ASMT: variants seen among roughly 807,000 people sequenced by gnomAD.
The protein encoded by ASMT is acetylserotonin N-methyltransferase.
ASMT carries 53 observed loss-of-function variants against 41.3 expected under a neutral mutation model. The observed-to-expected ratio is 1.28, with a 90% CI of 1.03 to 1.61. The LOEUF (loss-of-function observed/expected upper bound fraction) is 1.61. Ranked by LOEUF, ASMT falls within the 40% of genes most tolerant of loss-of-function variation. ASMT has a pLI of 0.00. For synonymous variants in ASMT, 231 were observed against 184.8 expected (o/e 1.25, Z -2.03); for missense variants, 531 against 441.3 (o/e 1.20, Z -1.82).
intron 1 of ASMT, 143 bp from the exon 2 acceptor site, chrX:1,622,996 C>T (rs1934389764): frequency 1.7e-5 from 12 of 716,968 alleles, no homozygotes; most frequent in South Asian, 1.2e-4. Context: ...TTGACTCTGT[C>T]TCAAAAAAAA....
chrX:1,629,874 T>C lies in ASMT; in HGVS notation c.497T>C (p.Val166Ala), dbSNP rs1268657294. ...CAAGCTCTGCAGGAGGTCTGGAGCG[T>C]CAACGGGAGAAGCGTGCTGACCGCC... ...FMQALQEVWS[V>A]NGRSVLTAFD... Residue 166 changes from valine to alanine, a missense_variant, in exon 5 of 9, where the codon GTC becomes GCC. Transcript: ENST00000381241. 1.9e-6 allele frequency: 3 copies of C among 1,613,860 alleles called. No individual in the cohort carries two copies. In the African/African-American group the frequency reaches 4.0e-5, roughly 22 times the overall value.
At chrX:1,642,709 T>C in intron 8 of ASMT, 94 bp from the exon 9 acceptor site, 2 of 1,175,420 alleles carry the variant, frequency 1.7e-6, no homozygotes, top group East Asian at 4.7e-5. Flanking sequence ...CTGACTGTCC[T>C]CTGAGGTCTG....
Position 1,642,976 on chromosome X carries a change from A to G in ASMT, c.1084A>G (p.Thr362Ala), listed in dbSNP as rs1173794242. ...CTTCAGAGACTTCCAGTTTAAGAAA[A>G]CAGGAGCCATTTATGATGCCATTTT... Reference protein sequence around the residue: ...AGFRDFQFKKTGAIYDAILAR... With the variant: ...AGFRDFQFKKAGAIYDAILAR... Residue 362 changes from threonine to alanine, a missense_variant, in exon 9 of 9, where the codon ACA (threonine) becomes GCA (alanine). Thr to Ala is a moderately conservative substitution (Grantham distance 58). Coordinates refer to ENST00000381241, the MANE Select transcript of ASMT (RefSeq NM_001171038.2). The G allele has an allele frequency of 3.1e-6, 5 of 1,613,906 alleles. No individual in the cohort carries two copies. The South Asian group carries it at 4.4e-5, about 14-fold the overall frequency.
intron 1 of ASMT, among the ~76,000 whole-genome samples, chrX:1,621,979 G>A (rs193289895): frequency 0.049 from 7,468 of 151,340 alleles, 263 homozygotes; most frequent in Non-Finnish European, 0.079. Context: ...ACAGGCGTGA[G>A]CCACCGCACC....
chrX:1,636,271 T>C, intron 7 of ASMT, 167 bp from the exon 8 acceptor site: 1 of 1,045,226 alleles, frequency 9.6e-7, no homozygotes, highest in South Asian at 1.3e-5. Context: ...TATTTTCTTA[T>C]CTTTCTCCTA....
intron 1 of ASMT, among the ~76,000 whole-genome samples, chrX:1,620,830 C>T (rs1400338150): frequency 4.6e-5 from 7 of 151,638 alleles, no homozygotes; most frequent in African/African-American, 1.5e-4. Context: ...TGGAGGTTGC[C>T]GTGAGGCGTG....
Position 1,624,315 on chromosome X carries a change from C to A in ASMT, c.291C>A (p.Val97=). 1 of 1,614,016 alleles carries A rather than the reference C, an allele frequency of 6.2e-7. No individual in the cohort carries two copies. Among genetic ancestry groups the A allele is most frequent in the South Asian group, 1.1e-5 (1 of 91,080 alleles). Residue 97 remains valine, a synonymous_variant, in exon 3 of 9, where the codon GTC becomes GTA. Coordinates refer to ENST00000381241, the MANE Select transcript of ASMT (RefSeq NM_001171038.2). Reference sequence around the variant, plus strand: ...TGTCCAGCGACTACCTGACCACGGTCAGCCCGACGTCACAATGCAGCATGC... The same window carrying A: ...TGTCCAGCGACTACCTGACCACGGTAAGCCCGACGTCACAATGCAGCATGC... ...TELSSDYLTT[V]SPTSQCSMLK...
At chrX:1,636,279 C>G (rs1603461698) in intron 7 of ASMT, 159 bp from the exon 8 acceptor site, 14 of 1,098,154 alleles carry the variant, frequency 1.3e-5, no homozygotes, top group East Asian at 2.4e-5. Flanking sequence ...TATCTTTCTC[C>G]TAAGCCTTTT....
chrX:1,618,128 G>A (rs1261627233), intron 1 of ASMT, among the ~76,000 whole-genome samples: 4 of 151,932 alleles, frequency 2.6e-5, no homozygotes, highest in African/African-American at 9.7e-5. Flanking sequence ...ACAGGTGCCT[G>A]CCACCAAGCC....
At chrX:1,625,532 G>GGAAA (rs1934501046) in intron 3 of ASMT, among the ~76,000 whole-genome samples, 1 of 111,618 alleles carries the variant, frequency 9.0e-6, no homozygotes, top group Non-Finnish European at 1.8e-5. Flanking sequence ...GAGGGGAGAA[G>GGAAA]GAAGGAAGGA....
intron 3 of ASMT, among the ~76,000 whole-genome samples, chrX:1,626,147 T>C (rs73620114): frequency 0.043 from 6,562 of 151,598 alleles, 471 homozygotes; most frequent in African/African-American, 0.15. Context: ...CTCCAGAACG[T>C]AGATTTTCTC....
At chrX:1,635,074 A>T (rs1233983751) in intron 7 of ASMT, among the ~76,000 whole-genome samples, 2 of 145,392 alleles carry the variant, frequency 1.4e-5, no homozygotes, top group Non-Finnish European at 1.5e-5. Flanking sequence ...TCCCGGGTTC[A>T]CACCATTCTC....
In ASMT at chrX:1,615,112, G is replaced by C. The variant is rs1934028032; in HGVS notation, c.-88G>C. 3.4e-6 allele frequency: 4 copies of C among 1,166,854 alleles called. No individual in the cohort carries two copies. In the Admixed American group the frequency reaches 5.9e-5, roughly 17 times the overall value. 72.3% of individuals were successfully genotyped at this position (1,166,854 alleles called of 1,614,324 possible). ...AGTCAGGCAGCAGCTGTGAGCGGGT[G>C]GCTCTTCCCCACCTTGCCAGCAGGC... On this transcript the variant is annotated 5_prime_UTR_variant, in exon 1 of 9. Coordinates refer to ENST00000381241, the MANE Select transcript of ASMT (RefSeq NM_001171038.2).
At chrX:1,616,993 C>A (rs1263745114) in intron 1 of ASMT, among the ~76,000 whole-genome samples, 2 of 152,048 alleles carry the variant, frequency 1.3e-5, no homozygotes, top group Admixed American at 1.3e-4. Context: ...CAGGCGTGAG[C>A]CACTGTGCCT....
At chrX:1,624,130 C>T in intron 2 of ASMT, 139 bp from the exon 3 acceptor site, 1 of 1,217,964 alleles carries the variant, frequency 8.2e-7, no homozygotes, top group Admixed American at 1.7e-5. Flanking sequence ...CTGTACAAGG[C>T]AAGAGGAAGA....
intron 1 of ASMT, among the ~76,000 whole-genome samples, chrX:1,615,693 T>C (rs1934062869): frequency 6.6e-6 from 1 of 151,612 alleles, no homozygotes; most frequent in Non-Finnish European, 1.5e-5. Context: ...TCCCAGCTAC[T>C]TGGGAGGCTG....
rs764047769 is a variant in ASMT, at chrX:1,636,505, G to C, written c.855G>C (p.Trp285Cys). 2 of 1,613,874 alleles carry C rather than the reference G, an allele frequency of 1.2e-6. No individual in the cohort carries two copies. The highest frequency in any genetic ancestry group is 4.5e-5 in the East Asian group (2 of 44,874). Reference sequence around the variant, plus strand: ...TCCTGGCCAGGGTCCTCCATGACTGGGCAGACGGAAAGTGCTCACACCTGC... The same window carrying C: ...TCCTGGCCAGGGTCCTCCATGACTGCGCAGACGGAAAGTGCTCACACCTGC... ...LYILARVLHD[W>C]ADGKCSHLLE... The change falls in exon 8 of 9, where the codon TGG (tryptophan) becomes TGC (cysteine). Residue 285 changes from tryptophan (W) to cysteine (C), a missense_variant. Physicochemically the swap from Trp to Cys is radical, Grantham distance 215. Coordinates refer to ENST00000381241, the MANE Select transcript of ASMT (RefSeq NM_001171038.2).
At chrX:1,635,581 G>A (rs1423916880) in intron 7 of ASMT, among the ~76,000 whole-genome samples, 1 of 152,116 alleles carries the variant, frequency 6.6e-6, no homozygotes, top group African/African-American at 2.4e-5. Flanking sequence ...AAGAACATGG[G>A]CCGGGCACAG....
At chrX:1,632,005 C>G (rs1317805099) in intron 5 of ASMT, among the ~76,000 whole-genome samples, 3 of 151,944 alleles carry the variant, frequency 2.0e-5, no homozygotes, top group Non-Finnish European at 4.4e-5. Context: ...GCTGAGATCG[C>G]GCCACTGCAC....
Sources: allele counts gnomAD v4.1 joint callset (sites outside exome capture counted in the v4.1 genomes callset), GRCh38; gene constraint gnomAD v4.1.1; transcripts MANE v1.5; gene names NCBI Gene and HGNC (gene_info 2026-07-23, HGNC 2026-07-21).